The following ROBO1 variants were observed in gnomAD, a reference collection of about 807,000 sequenced individuals.
ROBO1 encodes roundabout homolog 1.
A neutral mutation model predicts 195.9 loss-of-function variants in ROBO1; 149 were observed. The observed-to-expected ratio is 0.76, with a 90% CI of 0.67 to 0.87. ROBO1 has a LOEUF of 0.87. Ranked by LOEUF, ROBO1 falls within the 40% of genes least tolerant of loss-of-function variation. The pLI, the probability that ROBO1 is intolerant of heterozygous loss-of-function variation, is 0.00. For synonymous variants in ROBO1, 816 were observed against 733.2 expected (o/e 1.11, Z -1.82); for missense variants, 1,933 against 2,068.3 (o/e 0.93, Z 1.27).
chr3:79,082,781 G>C lies in ROBO1; in HGVS notation c.172+42675C>G, dbSNP rs184694326. Among the ~76,000 whole-genome samples the C allele has an allele frequency of 2.9e-3, 435 of 152,188 alleles. 3 individuals carry two copies. The highest frequency in any genetic ancestry group is 9.9e-3 in the African/African-American group (412 of 41,514). ...GGCTCACTGTGTACTCACTTGTATG[G>C]TATGGAGAGAGGCAGGTTGAACCTC... On this transcript the variant is annotated intron_variant, in intron 3 of 30. Coordinates refer to ENST00000464233, the MANE Select transcript of ROBO1 (RefSeq NM_002941.4).
At chr3:79,707,483 A>T (rs1947809039) in intron 1 of ROBO1, among the ~76,000 whole-genome samples, 2 of 152,174 alleles carry the variant, frequency 1.3e-5, no homozygotes, top group Middle Eastern at 3.4e-3. Context: ...TTCCCTACAT[A>T]TCACGTTTAA....
At chr3:79,537,916 CA>C (rs1048123438) in intron 2 of ROBO1, among the ~76,000 whole-genome samples, 1 of 151,758 alleles carries the variant, frequency 6.6e-6, no homozygotes, top group Admixed American at 6.6e-5. Context: ...TAAAAAAACA[CA>C]AAAAAATACA....
intron 3 of ROBO1, among the ~76,000 whole-genome samples, chr3:79,103,886 C>A (rs1345172353): frequency 6.6e-6 from 1 of 151,652 alleles, no homozygotes; most frequent in African/African-American, 2.4e-5. Context: ...AAAGTCACTG[C>A]AGGATATGAA....
chr3:79,624,700 A>T (rs1945114624), intron 1 of ROBO1, among the ~76,000 whole-genome samples: 1 of 152,180 alleles, frequency 6.6e-6, no homozygotes, highest in Non-Finnish European at 1.5e-5. Context: ...TCCATAAAAC[A>T]AGTTCTTAGA....
chr3:79,149,029 C>T (rs1342032690), intron 2 of ROBO1, among the ~76,000 whole-genome samples: 1 of 151,882 alleles, frequency 6.6e-6, no homozygotes, highest in East Asian at 1.9e-4. Flanking sequence ...AACAAATGTT[C>T]TCAGCAATCT....
intron 3 of ROBO1, among the ~76,000 whole-genome samples, chr3:79,067,921 C>G (rs1476081305): frequency 6.6e-6 from 1 of 151,872 alleles, no homozygotes; most frequent in Non-Finnish European, 1.5e-5. Flanking sequence ...TGCTGGCAGG[C>G]CTTGATTCCT....
At chr3:78,968,159 C>T (rs1053556191) in intron 3 of ROBO1, among the ~76,000 whole-genome samples, 2 of 151,916 alleles carry the variant, frequency 1.3e-5, no homozygotes, top group Non-Finnish European at 2.9e-5. Flanking sequence ...AAAGATAAAC[C>T]ACTTTTCTAT....
chr3:79,230,051 C>A (rs1459561509), intron 2 of ROBO1, among the ~76,000 whole-genome samples: 1 of 152,046 alleles, frequency 6.6e-6, no homozygotes, highest in Non-Finnish European at 1.5e-5. Context: ...ACCATTATTT[C>A]TAGTTGTTTA....
intron 2 of ROBO1, among the ~76,000 whole-genome samples, chr3:79,557,734 AC>A (rs57044168): frequency 0.36 from 38,905 of 108,458 alleles, 6,447 homozygotes; most frequent in African/African-American, 0.39. Context: ...CTGTCTTAAA[AC>A]AAAAAAAAAT....
At chr3:79,618,602 C>A (rs1461979043) in intron 1 of ROBO1, among the ~76,000 whole-genome samples, 1 of 152,166 alleles carries the variant, frequency 6.6e-6, no homozygotes, top group Admixed American at 6.5e-5. Flanking sequence ...TATAAAACTG[C>A]CCCACCCTTA....
At chr3:79,169,839 T>C (rs2081135379) in intron 2 of ROBO1, among the ~76,000 whole-genome samples, 1 of 152,166 alleles carries the variant, frequency 6.6e-6, no homozygotes, top group African/African-American at 2.4e-5. Flanking sequence ...ATAAAAGGAA[T>C]GCTCTCAATT....
At chr3:79,282,625 G>T (rs2031597552) in intron 2 of ROBO1, among the ~76,000 whole-genome samples, 1 of 152,190 alleles carries the variant, frequency 6.6e-6, no homozygotes, top group Non-Finnish European at 1.5e-5. Context: ...TTTTTGGCTT[G>T]GAGAATTAGG....
intron 1 of ROBO1, among the ~76,000 whole-genome samples, chr3:79,701,479 C>T (rs1368995478): frequency 6.6e-6 from 1 of 151,584 alleles, no homozygotes; most frequent in Non-Finnish European, 1.5e-5. Context: ...GGCCTGAGTT[C>T]CTGTGGAGTC....
At chr3:78,674,972 G>A (rs921351105) in intron 10 of ROBO1, among the ~76,000 whole-genome samples, 2 of 151,892 alleles carry the variant, frequency 1.3e-5, no homozygotes, top group Non-Finnish European at 2.9e-5. Context: ...TTATTTAATG[G>A]CTGTAATGTA....
intron 4 of ROBO1, among the ~76,000 whole-genome samples, chr3:78,792,886 G>A (rs2084065302): frequency 6.6e-6 from 1 of 152,044 alleles, no homozygotes. Context: ...GATCACTTGT[G>A]CTCAGGAGTT....
chr3:79,147,098 T>G (rs989419862), intron 2 of ROBO1, among the ~76,000 whole-genome samples: 7 of 152,000 alleles, frequency 4.6e-5, no homozygotes, highest in Admixed American at 2.0e-4. Context: ...GAATTTTCTT[T>G]TCAAATAGGA....
intron 4 of ROBO1, among the ~76,000 whole-genome samples, chr3:78,774,260 G>A (rs1423092827): frequency 6.6e-6 from 1 of 151,958 alleles, no homozygotes; most frequent in Non-Finnish European, 1.5e-5. Flanking sequence ...CTTTAAGCTA[G>A]GCTTACATTG....
chr3:78,712,932 A>C (rs1349522178), intron 8 of ROBO1, among the ~76,000 whole-genome samples: 1 of 152,196 alleles, frequency 6.6e-6, no homozygotes, highest in Non-Finnish European at 1.5e-5. Flanking sequence ...GACTAACGTA[A>C]TAGACAGTCA....
intron 2 of ROBO1, among the ~76,000 whole-genome samples, chr3:79,486,235 AT>A (rs1939154068): frequency 6.6e-6 from 1 of 151,784 alleles, no homozygotes; most frequent in African/African-American, 2.4e-5. Flanking sequence ...ATATTGTATT[AT>A]TTTTTATAGT....
Sources: allele counts gnomAD v4.1 joint callset (sites outside exome capture counted in the v4.1 genomes callset), GRCh38; gene constraint gnomAD v4.1.1; transcripts MANE v1.5; gene names NCBI Gene and HGNC (gene_info 2026-07-23, HGNC 2026-07-21).